The following TAPT1 variants were observed in gnomAD, a reference collection of about 807,000 sequenced individuals.
TAPT1 encodes transmembrane anterior posterior transformation 1.
Under a neutral mutation model 65.6 loss-of-function variants are expected in TAPT1, and 28 were observed. That is an observed-to-expected ratio of 0.43 (90% CI 0.32 to 0.59). The LOEUF is 0.59. Ranked by LOEUF, TAPT1 falls within the 20% of genes least tolerant of loss-of-function variation. The probability of loss-of-function intolerance (pLI) is 0.09; values close to 1 mark genes in which losing one functional copy is unlikely to be tolerated. For synonymous variants in TAPT1, 278 were observed against 245.2 expected, an observed-to-expected ratio of 1.13 and a Z score of -1.25; for missense variants, 563 against 679.9, an observed-to-expected ratio of 0.83 and a Z score of 1.91.
intron 13 of TAPT1, among the ~76,000 whole-genome samples, chr4:16,166,143 C>A (rs990879656): frequency 1.1e-4 from 17 of 152,174 alleles, no homozygotes; most frequent in African/African-American, 4.1e-4. Flanking sequence ...GCCTGCCGGG[C>A]CTCTGCCTGG....
intron 7 of TAPT1, among the ~76,000 whole-genome samples, chr4:16,186,119 GTAAATAATAAC>G (rs907409644): frequency 2.6e-5 from 4 of 152,184 alleles, no homozygotes; most frequent in Non-Finnish European, 4.4e-5. Context: ...AACGAAGGCA[GTAAATAATAAC>G]TAAATAATAA....
rs188496171 is a variant in TAPT1 at position 16,184,392 on chromosome 4, T to G, written c.916+2143A>C. Among the ~76,000 whole-genome samples the G allele has an allele frequency of 2.2e-4, 33 of 152,332 alleles. 1 individual carries two copies. The East Asian group carries it at 6.2e-3, about 28-fold the overall frequency. Reference sequence around the variant, plus strand: ...TAAGTAGTATTCTATGGTATGGATATACAGTTTGTTTATTTTCCTACTGAT... The same window carrying G: ...TAAGTAGTATTCTATGGTATGGATAGACAGTTTGTTTATTTTCCTACTGAT... On this transcript the variant is annotated intron_variant, in intron 7 of 13. Transcript: ENST00000405303.
chr4:16,170,546 C>A, intron 12 of TAPT1, 107 bp downstream of exon 12: 3 of 716,542 alleles, frequency 4.2e-6, no homozygotes, highest in South Asian at 2.0e-5. Flanking sequence ...GAATGGAAAC[C>A]CCTGGCATAG....
chr4:16,170,727 G>A lies in TAPT1; in HGVS notation c.1239C>T (p.Leu413=), dbSNP rs1747939876. 2 of 1,613,096 alleles carry A rather than the reference G, an allele frequency of 1.2e-6. No individual in the cohort carries two copies. Among genetic ancestry groups the A allele is most frequent in the Non-Finnish European group, 1.7e-6 (2 of 1,179,248 alleles). ...GFIPLPLAVL[L]IRVVTSSIKV... Reference sequence around the variant, plus strand: ...TAATTGAGCTTGTTACAACTCTGATGAGCTAGCCAGAAACAAACCAAAACA... The same window carrying A: ...TAATTGAGCTTGTTACAACTCTGATAAGCTAGCCAGAAACAAACCAAAACA... The change falls in exon 12 of 14, where the codon CTC becomes CTT. Residue 413 remains leucine (L), a splice_region_variant and synonymous_variant. Coordinates refer to ENST00000405303, the MANE Select transcript of TAPT1 (RefSeq NM_153365.3).
chr4:16,175,079 TA>T (rs1388627344), intron 9 of TAPT1: 8 of 156,658 alleles, frequency 5.1e-5, no homozygotes, highest in South Asian at 4.1e-4. Context: ...ATGAATAGTT[TA>T]AAAAAATTAC....
intron 1 of TAPT1, among the ~76,000 whole-genome samples, chr4:16,224,947 C>T (rs1751459903): frequency 6.6e-6 from 1 of 152,212 alleles, no homozygotes; most frequent in African/African-American, 2.4e-5. Context: ...TGAAGCCTGG[C>T]TACATCTATC....
chr4:16,174,193 T>A lies in TAPT1; in HGVS notation c.1236+11A>T, dbSNP rs1214484499. 6.3e-7 allele frequency: 1 copy of A among 1,586,872 alleles called. No homozygotes were observed. The highest frequency in any genetic ancestry group is 1.7e-5 in the Admixed American group (1 of 57,352). On this transcript the variant is annotated intron_variant, in intron 11 of 13. Coordinates refer to ENST00000405303, the MANE Select transcript of TAPT1 (RefSeq NM_153365.3). The stretch of plus-strand genomic sequence containing the variant: ...CTTTGTTACAAAAAACATTAAAAAG[T>A]ATGCACTTACTAAAACAGCTAGTGG...
At chr4:16,171,204 T>C (rs1747969075) in intron 11 of TAPT1, among the ~76,000 whole-genome samples, 1 of 152,208 alleles carries the variant, frequency 6.6e-6, no homozygotes, top group Admixed American at 6.5e-5. Flanking sequence ...TTGACTCTTT[T>C]ATGAACCCCC....
At chr4:16,213,930 G>A (rs1228354940) in intron 1 of TAPT1, 32 bp from the exon 2 acceptor site, 2 of 1,572,284 alleles carry the variant, frequency 1.3e-6, no homozygotes, top group African/African-American at 1.4e-5. Flanking sequence ...AAAACAAAAA[G>A]AACAGTATTT....
At position 16,170,705 on chromosome 4, in the gene TAPT1, T is replaced by G. The variant is rs752666747; in HGVS notation, c.1261A>C (p.Ile421Leu). 6.2e-7 allele frequency: 1 copy of G among 1,613,776 alleles called. No homozygotes were observed. The highest frequency in any genetic ancestry group is 1.3e-5 in the African/African-American group (1 of 75,054). ...TAAGACAGGATTCCTTGCACTTTAA[T>G]TGAGCTTGTTACAACTCTGATGAGC... The part of the protein sequence containing the change: ...VLLIRVVTSS[I>L]KVQGILSYAC... Residue 421 changes from isoleucine (I) to leucine (L), a missense_variant, in exon 12 of 14, where the codon ATT becomes CTT. This residue lies in a region of TAPT1 where 104 missense variants were observed against 102.5 expected (regional missense o/e 1.01). Transcript: ENST00000405303.
At chr4:16,185,977 C>T (rs992464251) in intron 7 of TAPT1, among the ~76,000 whole-genome samples, 4 of 152,190 alleles carry the variant, frequency 2.6e-5, no homozygotes, top group East Asian at 3.9e-4. Flanking sequence ...AGCATACTCC[C>T]TGGCAGAGCC....
chr4:16,211,322 G>T (rs1750643750), intron 2 of TAPT1, among the ~76,000 whole-genome samples: 1 of 152,030 alleles, frequency 6.6e-6, no homozygotes, highest in Admixed American at 6.5e-5. Context: ...TGCATGTCTA[G>T]ATAGGCTCTC....
chr4:16,213,891 T>G lies in TAPT1; in HGVS notation c.207A>C (p.Ser69=). 1 of 1,590,816 alleles carries G rather than the reference T, an allele frequency of 6.3e-7. No homozygotes were observed. The highest frequency in any genetic ancestry group is 8.5e-7 in the Non-Finnish European group (1 of 1,174,008). The change falls in exon 2 of 14, where the codon TCA becomes TCC. Residue 69 remains serine, a synonymous_variant. Transcript: ENST00000405303. ...RERRRGRTEL[S]LLRFLSAELT... is the part of the protein sequence containing the mutation. Reference sequence around the variant, plus strand: ...GTTCAGCACTGAGGAACCTCAACAATGAAAGCTCTACAGAAAAGAAAATGA... The same window carrying G: ...GTTCAGCACTGAGGAACCTCAACAAGGAAAGCTCTACAGAAAAGAAAATGA...
rs1278028182 is a variant in TAPT1, at chr4:16,181,821, GC to G, written c.917-2165del. Among the ~76,000 whole-genome samples the G allele has an allele frequency of 3.9e-5, 6 of 152,298 alleles. No homozygotes were observed. The East Asian group carries it at 1.2e-3, about 29-fold the overall frequency. The stretch of plus-strand genomic sequence containing the variant: ...GATCTCAGGTGATCCGCCCATCTTG[GC>G]CTCCCAAAGTGTTGGGATTACAGGC... On this transcript the variant is annotated intron_variant, in intron 7 of 13. Transcript: ENST00000405303.
chr4:16,181,775 C>T (rs1748726275), intron 7 of TAPT1, among the ~76,000 whole-genome samples: 1 of 152,164 alleles, frequency 6.6e-6, no homozygotes, highest in South Asian at 2.1e-4. Context: ...ACCATGTTGG[C>T]CAAGCTGGTC....
chr4:16,201,830 G>C (rs1419433789), intron 3 of TAPT1, among the ~76,000 whole-genome samples: 1 of 152,010 alleles, frequency 6.6e-6, no homozygotes, highest in African/African-American at 2.4e-5. Flanking sequence ...TTGCTGATGG[G>C]GAAGCACACT....
intron 1 of TAPT1, among the ~76,000 whole-genome samples, chr4:16,225,606 G>T (rs1407563315): frequency 6.6e-6 from 1 of 152,054 alleles, no homozygotes; most frequent in Non-Finnish European, 1.5e-5. Flanking sequence ...CTGTAACATT[G>T]TAACAATACG....
chr4:16,180,401 G>A (rs1316553185), intron 7 of TAPT1, among the ~76,000 whole-genome samples: 1 of 152,164 alleles, frequency 6.6e-6, no homozygotes, highest in Non-Finnish European at 1.5e-5. Flanking sequence ...GTTAAGAGTG[G>A]CACACCCATG....
intron 1 of TAPT1, among the ~76,000 whole-genome samples, chr4:16,222,960 G>A (rs1325828727): frequency 2.0e-5 from 3 of 152,140 alleles, no homozygotes; most frequent in Non-Finnish European, 4.4e-5. Context: ...CTATCCCCAT[G>A]CATCTCCAAC....
Sources: allele counts gnomAD v4.1 joint callset (sites outside exome capture counted in the v4.1 genomes callset), GRCh38; gene constraint gnomAD v4.1.1; regional missense constraint gnomAD v4.1.1; transcripts MANE v1.5; gene names NCBI Gene and HGNC (gene_info 2026-07-23, HGNC 2026-07-21).